The following ABLIM1 variants were observed in gnomAD, a reference collection of about 807,000 sequenced individuals.
ABLIM1 encodes the protein actin binding LIM protein 1, also known as actin-binding LIM protein 1.
Under a neutral mutation model 107.0 loss-of-function variants are expected in ABLIM1, and 40 were observed. The observed-to-expected ratio is 0.37, with a 90% CI of 0.29 to 0.49. ABLIM1 has a LOEUF of 0.49. Among genes scored for constraint, ABLIM1 ranks in the 20% least tolerant of loss-of-function variants. The probability of loss-of-function intolerance (pLI) is 0.97; values close to 1 mark genes in which losing one functional copy is unlikely to be tolerated. For missense variants in ABLIM1, 857 were observed against 1,008.5 expected, an observed-to-expected ratio of 0.85 and a Z score of 2.04; for synonymous variants, 357 against 357.3, an observed-to-expected ratio of 1.00 and a Z score of 0.01.
intron 8 of ABLIM1, among the ~76,000 whole-genome samples, chr10:114,485,856 T>C (rs1325112103): frequency 6.6e-6 from 1 of 152,208 alleles, no homozygotes; most frequent in Non-Finnish European, 1.5e-5. Flanking sequence ...GGCTCAAGAT[T>C]TGTGATGTGT....
At chr10:114,458,861 C>T (rs886595921) in intron 12 of ABLIM1, among the ~76,000 whole-genome samples, 9 of 152,088 alleles carry the variant, frequency 5.9e-5, no homozygotes, top group African/African-American at 1.9e-4. Flanking sequence ...CGAAACAAAG[C>T]GAAAATGGTT....
At chr10:114,663,956 T>A (rs2079901372) in intron 1 of ABLIM1, among the ~76,000 whole-genome samples, 1 of 152,218 alleles carries the variant, frequency 6.6e-6, no homozygotes, top group African/African-American at 2.4e-5. Context: ...TGGCACCGTT[T>A]GAAGTATTTA....
At chr10:114,689,652 G>A (rs777734878), upstream of ABLIM1, among the ~76,000 whole-genome samples, 18 of 151,836 alleles carry the variant, frequency 1.2e-4, no homozygotes, top group Non-Finnish European at 1.9e-4. Context: ...ATGAGCCACC[G>A]CACCTGGCCG....
At chr10:114,795,916 TTTTTA>T in the ABLIM1 span, among the ~76,000 whole-genome samples, 1,323 of 152,314 alleles carry the variant, frequency 8.7e-3, 15 homozygotes, top group African/African-American at 0.023. Context: ...CATGTCCTTG[TTTTTA>T]TTTTATTTTG....
intron 6 of ABLIM1, among the ~76,000 whole-genome samples, chr10:114,518,205 T>C (rs1420758260): frequency 1.3e-5 from 2 of 152,088 alleles, no homozygotes; most frequent in African/African-American, 4.8e-5. Flanking sequence ...GAACTCTACA[T>C]CCTATATGAA....
intron 1 of ABLIM1, among the ~76,000 whole-genome samples, chr10:114,618,266 A>G (rs2077253995): frequency 6.6e-6 from 1 of 152,186 alleles, no homozygotes; most frequent in African/African-American, 2.4e-5. Context: ...CCTTTCTTGT[A>G]CAATGGTTTT....
intron 1 of ABLIM1, among the ~76,000 whole-genome samples, chr10:114,620,851 C>CTAGGTT (rs2077422804): frequency 1.3e-5 from 2 of 152,194 alleles, no homozygotes; most frequent in African/African-American, 4.8e-5. Context: ...CTCCGTGGAA[C>CTAGGTT]CTAGGATGAA....
At chr10:114,765,209 G>A (rs1454316985) in intron 1 of ABLIM1, among the ~76,000 whole-genome samples, 1 of 151,876 alleles carries the variant, frequency 6.6e-6, no homozygotes, top group Non-Finnish European at 1.5e-5. Flanking sequence ...ACCATGCCCA[G>A]CTAATTTTTG....
At chr10:114,684,559 C>T in exon 1 of ABLIM1, 1 of 1,384,190 alleles carries the variant, frequency 7.2e-7, no homozygotes, top group East Asian at 2.6e-5. Context: ...GACTCTGGCT[C>T]CTTCCTCATG....
chr10:114,645,475 T>C (rs2078974249), intron 1 of ABLIM1, among the ~76,000 whole-genome samples: 1 of 152,138 alleles, frequency 6.6e-6, no homozygotes, highest in Admixed American at 6.5e-5. Context: ...CTTTTTTTTT[T>C]GGCAGGGAGT....
At chr10:114,639,443 A>T (rs2140910110) in intron 1 of ABLIM1, among the ~76,000 whole-genome samples, 2 of 152,346 alleles carry the variant, frequency 1.3e-5, no homozygotes. Flanking sequence ...CCCAGTGGTT[A>T]TTCTATCATG....
At chr10:114,771,291 T>C (rs1324447797), upstream of ABLIM1, among the ~76,000 whole-genome samples, 4 of 152,182 alleles carry the variant, frequency 2.6e-5, no homozygotes, top group African/African-American at 4.8e-5. Context: ...CAGATGATTA[T>C]AAAATTCACT....
chr10:114,460,021 G>T (rs993547436), intron 12 of ABLIM1, among the ~76,000 whole-genome samples: 1 of 152,152 alleles, frequency 6.6e-6, no homozygotes, highest in African/African-American at 2.4e-5. Flanking sequence ...AATGACTGAG[G>T]ATCATTCTTG....
chr10:114,618,677 C>T (rs1183182863), intron 1 of ABLIM1, among the ~76,000 whole-genome samples: 2 of 152,208 alleles, frequency 1.3e-5, no homozygotes, highest in Non-Finnish European at 2.9e-5. Context: ...AAGGCACAGG[C>T]CCTGTCAACA....
chr10:114,507,616 G>T (rs756319612), intron 6 of ABLIM1, among the ~76,000 whole-genome samples: 1 of 152,180 alleles, frequency 6.6e-6, no homozygotes, highest in Non-Finnish European at 1.5e-5. Context: ...CTGTGCAAAC[G>T]GGCACCCTGC....
rs1473255508 is a variant in ABLIM1 at position 114,657,968 on chromosome 10, A to G, written c.233T>C (p.Val78Ala). ...YCPRGRVCNS[V>A]DPFVAHPQDP... is the part of the protein sequence containing the mutation. ...GTTATTTTACTTACCAAAAGGATCA[A>G]CGCTGTTACATACACGCCCACGTGG... Residue 78 changes from valine to alanine, a missense_variant, in exon 1 of 23, where the codon GTT (valine) becomes GCT (alanine). Val to Ala is a moderately conservative substitution (Grantham distance 64, BLOSUM62 0). Transcript: ENST00000533213. 1.2e-6 allele frequency: 2 copies of G among 1,612,652 alleles called. No homozygotes were observed. Among genetic ancestry groups the G allele is most frequent in the East Asian group, 2.2e-5 (1 of 44,840 alleles).
intron 4 of ABLIM1, among the ~76,000 whole-genome samples, chr10:114,569,179 A>T (rs1416190226): frequency 6.6e-6 from 1 of 152,180 alleles, no homozygotes; most frequent in Non-Finnish European, 1.5e-5. Flanking sequence ...TTCCCCACCT[A>T]TCAAAAAACA....
intron 1 of ABLIM1, among the ~76,000 whole-genome samples, chr10:114,674,161 G>A (rs1263556059): frequency 6.6e-6 from 1 of 151,886 alleles, no homozygotes; most frequent in African/African-American, 2.4e-5. Flanking sequence ...GTGGTGGCAT[G>A]CGCCTGTAGT....
intron 6 of ABLIM1, among the ~76,000 whole-genome samples, chr10:114,498,588 T>C (rs963810805): frequency 7.2e-5 from 11 of 152,240 alleles, no homozygotes; most frequent in African/African-American, 2.2e-4. Flanking sequence ...GCTCTACTTG[T>C]GGCATGAGCC....
Sources: gnomAD v4.1 joint callset for allele counts (sites outside exome capture counted in the v4.1 genomes callset) on GRCh38, gnomAD v4.1.1 for gene constraint, MANE v1.5 for transcripts, NCBI Gene and HGNC (gene_info 2026-07-23, HGNC 2026-07-21) for gene names.